Variants in SLC45A4 observed in about 807,000 individuals in gnomAD.
The protein encoded by SLC45A4 is polyamine-transporter SLC45A4.
In SLC45A4, 32 loss-of-function variants were observed where a neutral mutation model predicts 63.7. The observed-to-expected ratio is 0.50, with a 90% CI of 0.38 to 0.67. The LOEUF is 0.67. Ranked by LOEUF, SLC45A4 falls within the 30% of genes least tolerant of loss-of-function variation. The pLI, the probability that SLC45A4 is intolerant of heterozygous loss-of-function variation, is 0.00. For missense variants in SLC45A4, 1,027 were observed against 1,157.7 expected, an observed-to-expected ratio of 0.89 and a Z score of 1.64; for synonymous variants, 535 against 510.0, an observed-to-expected ratio of 1.05 and a Z score of -0.66.
Position 141,254,771 on chromosome 8 carries a change from G to T in SLC45A4, c.-400-142C>A, listed in dbSNP as rs756562185. On this transcript the variant is annotated intron_variant, in intron 1 of 8. Transcript: ENST00000517878. This position sits in a 1 kb window ranked among gnomAD's most constrained non-coding sequence, Gnocchi z 4.5. Reference sequence around the variant, plus strand: ...ACACAGCTCTCTGCCACTCACTCTGGGTACGTCTGTGCAAATAACCAAACC... The same window carrying T: ...ACACAGCTCTCTGCCACTCACTCTGTGTACGTCTGTGCAAATAACCAAACC... 9.1e-6 allele frequency: 6 copies of T among 660,830 alleles called. No homozygotes were observed. In the South Asian group the frequency reaches 9.1e-5, roughly 10 times the overall value. The allele number at this position is 660,830 out of a possible 1,614,324, so 40.9% of individuals were successfully genotyped here. A position where few individuals can be genotyped will look rare whatever the true frequency, so the allele number is the denominator to read the frequency against.
intron 1 of SLC45A4, among the ~76,000 whole-genome samples, chr8:141,267,451 T>C (rs922391057): frequency 6.6e-6 from 1 of 152,242 alleles, no homozygotes; most frequent in Non-Finnish European, 1.5e-5. Flanking sequence ...TGTGACTACT[T>C]GATGACGCCG....
chr8:141,220,766 G>C (rs1247742517), intron 3 of SLC45A4, among the ~76,000 whole-genome samples: 1 of 152,252 alleles, frequency 6.6e-6, no homozygotes, highest in Non-Finnish European at 1.5e-5. Flanking sequence ...TGCCATCTGG[G>C]TCACATTTGG....
chr8:141,302,843 A>C (rs2154615488), intron 1 of SLC45A4, among the ~76,000 whole-genome samples: 1 of 152,110 alleles, frequency 6.6e-6, no homozygotes, highest in East Asian at 1.9e-4. Context: ...CCCCTCAAAA[A>C]ACTTACAAAA....
intron 1 of SLC45A4, among the ~76,000 whole-genome samples, chr8:141,269,740 T>C (rs967634869): frequency 2.6e-5 from 4 of 152,154 alleles, no homozygotes; most frequent in East Asian, 1.9e-4. Context: ...TGGATCTATA[T>C]GTGTCTGTAT....
intron 1 of SLC45A4, among the ~76,000 whole-genome samples, chr8:141,258,218 GTCTC>G (rs1410091078): frequency 6.6e-6 from 1 of 152,070 alleles, no homozygotes; most frequent in Non-Finnish European, 1.5e-5. Context: ...AGTCGCCAGA[GTCTC>G]TCTAACAGGA....
intron 2 of SLC45A4, among the ~76,000 whole-genome samples, chr8:141,235,694 A>T (rs1424383293): frequency 6.6e-6 from 1 of 152,182 alleles, no homozygotes; most frequent in Non-Finnish European, 1.5e-5. Context: ...AAAACAAAAC[A>T]AACCATGCCG....
intron 3 of SLC45A4, among the ~76,000 whole-genome samples, 190 bp downstream of exon 3, chr8:141,221,387 G>A (rs912409916): frequency 1.3e-5 from 2 of 152,250 alleles, no homozygotes; most frequent in Non-Finnish European, 2.9e-5. Flanking sequence ...GGTTCCTCCG[G>A]CTTTCCCACA....
intron 1 of SLC45A4, among the ~76,000 whole-genome samples, chr8:141,270,001 A>G (rs1829451420): frequency 6.6e-6 from 1 of 152,026 alleles, no homozygotes; most frequent in Admixed American, 6.6e-5. Context: ...GCCTGGCCCA[A>G]GCCCCAGACA....
In SLC45A4 at chr8:141,217,904, G is replaced by C. The variant is rs930708213; in HGVS notation, c.1629+107C>G. 4.4e-6 allele frequency: 6 copies of C among 1,348,970 alleles called. No homozygotes were observed. The South Asian group carries it at 8.5e-5, about 19-fold the overall frequency. The allele number at this position is 1,348,970 out of a possible 1,614,324, so 83.6% of individuals were successfully genotyped here. A position where few individuals can be genotyped will look rare whatever the true frequency, so the allele number is the denominator to read the frequency against. ...ACGGGAGGCACTGTGTGGCCTCCCT[G>C]ACACGCGTGGGCACGAGGAAGAGGC... On this transcript the variant is annotated intron_variant, in intron 5 of 8. Coordinates refer to ENST00000517878, the MANE Select transcript of SLC45A4 (RefSeq NM_001286646.2).
chr8:141,305,739 C>T (rs7831477), intron 1 of SLC45A4, among the ~76,000 whole-genome samples: 59,590 of 151,986 alleles, frequency 0.39, 13,725 homozygotes, highest in Non-Finnish European at 0.51. Flanking sequence ...CTGGGATGCA[C>T]CACGGTCAGA....
intron 2 of SLC45A4, among the ~76,000 whole-genome samples, chr8:141,238,934 T>C (rs558444771): frequency 6.6e-6 from 1 of 152,250 alleles, no homozygotes; most frequent in African/African-American, 2.4e-5. Flanking sequence ...CAGTGCCAGG[T>C]ACTCTTCTAG....
intron 2 of SLC45A4, among the ~76,000 whole-genome samples, chr8:141,231,070 CCT>C (rs1827323508): frequency 6.6e-6 from 1 of 152,210 alleles, no homozygotes; most frequent in Non-Finnish European, 1.5e-5. Flanking sequence ...CCTGACAGGC[CCT>C]CTCTGCAAAG....
chr8:141,295,866 C>A (rs1830530261), intron 1 of SLC45A4, among the ~76,000 whole-genome samples: 1 of 152,218 alleles, frequency 6.6e-6, no homozygotes. Flanking sequence ...CGGAGCTCAT[C>A]TCGTAAGGTC....
chr8:141,261,924 A>G (rs1829054034), intron 1 of SLC45A4, among the ~76,000 whole-genome samples: 1 of 152,208 alleles, frequency 6.6e-6, no homozygotes, highest in African/African-American at 2.4e-5. Context: ...TCCTAAGCCA[A>G]AAGAACAAAG....
chr8:141,260,200 T>C (rs751137237), intron 1 of SLC45A4, among the ~76,000 whole-genome samples: 4 of 152,244 alleles, frequency 2.6e-5, no homozygotes, highest in Non-Finnish European at 4.4e-5. Flanking sequence ...TTTAGACATC[T>C]TGAGTTTGTT....
chr8:141,233,202 G>T (rs1263282105), intron 2 of SLC45A4, among the ~76,000 whole-genome samples: 1 of 152,200 alleles, frequency 6.6e-6, no homozygotes, highest in Non-Finnish European at 1.5e-5. Flanking sequence ...GGATGAGCTG[G>T]TTCCAGCACA....
chr8:141,222,963 G>A (rs936817832), intron 2 of SLC45A4, among the ~76,000 whole-genome samples: 1 of 152,176 alleles, frequency 6.6e-6, no homozygotes, highest in Non-Finnish European at 1.5e-5. Flanking sequence ...CATACTATAC[G>A]TCAGTAAAAC....
At chr8:141,269,580 CTG>C (rs921033180) in intron 1 of SLC45A4, among the ~76,000 whole-genome samples, 2 of 146,080 alleles carry the variant, frequency 1.4e-5, no homozygotes, top group African/African-American at 5.1e-5. Context: ...GCCTATGTGT[CTG>C]TGTGTGTGGG....
At chr8:141,217,221 G>A (rs1286829467) in intron 5 of SLC45A4, 32 bp from the exon 6 acceptor site, 2 of 1,603,948 alleles carry the variant, frequency 1.2e-6, no homozygotes, top group Admixed American at 1.7e-5. Flanking sequence ...GGCTGACGAG[G>A]GCATCTGCTG....
Sources: allele counts gnomAD v4.1 joint callset (sites outside exome capture counted in the v4.1 genomes callset), GRCh38; gene constraint gnomAD v4.1.1; non-coding constraint Gnocchi (gnomAD v3.1); transcripts MANE v1.5; gene names NCBI Gene and HGNC (gene_info 2026-07-23, HGNC 2026-07-21).